The following GNAQ variants were observed in gnomAD, a reference collection of about 807,000 sequenced individuals.
GNAQ encodes G protein subunit alpha q.
In GNAQ, 8 loss-of-function variants were observed where a neutral mutation model predicts 43.9. The observed-to-expected ratio is 0.18, with a 90% CI of 0.11 to 0.33. The LOEUF is 0.33. Among genes scored for constraint, GNAQ ranks in the 10% least tolerant of loss-of-function variants. GNAQ has a pLI of 1.00. For synonymous variants in GNAQ, 155 were observed against 170.7 expected, an observed-to-expected ratio of 0.91 and a Z score of 0.71; for missense variants, 158 against 450.8, an observed-to-expected ratio of 0.35 and a Z score of 5.88.
chr9:77,883,645 C>G (rs959186263), intron 2 of GNAQ, among the ~76,000 whole-genome samples: 118 of 151,892 alleles, frequency 7.8e-4, no homozygotes, highest in African/African-American at 2.8e-3. Flanking sequence ...TTGCCCCCGC[C>G]CCCACTCTCC....
In GNAQ at chr9:78,030,887, C is replaced by CTGTGTGTGTG. The variant is rs35071779; in HGVS notation, c.136+203_136+212dup. Among the ~76,000 whole-genome samples the CTGTGTGTGTG allele has an allele frequency of 3.0e-3, 442 of 146,148 alleles. 2 individuals are homozygous for CTGTGTGTGTG. The highest frequency in any genetic ancestry group is 9.7e-3 in the African/African-American group (378 of 38,862). ...ACCCCTGTGCTGCGTGTGTGTGTCG[C>CTGTGTGTGTG]TGTGTGTGTGTGTGTGTGTGTGTGT... On this transcript the variant is annotated intron_variant, in intron 1 of 6. Coordinates refer to ENST00000286548, the MANE Select transcript of GNAQ (RefSeq NM_002072.5).
intron 1 of GNAQ, among the ~76,000 whole-genome samples, chr9:77,973,370 C>T (rs999567634): frequency 1.4e-4 from 22 of 152,160 alleles, no homozygotes; most frequent in African/African-American, 5.3e-4. Context: ...TGTATGCCCT[C>T]ATTTCTGTGA....
intron 5 of GNAQ, among the ~76,000 whole-genome samples, chr9:77,766,705 A>G (rs1331068935): frequency 6.6e-6 from 1 of 152,050 alleles, no homozygotes; most frequent in Non-Finnish European, 1.5e-5. Flanking sequence ...GCTGTTATGC[A>G]CCGTTTTTTG....
At chr9:78,018,535 T>C (rs1219895303) in intron 1 of GNAQ, among the ~76,000 whole-genome samples, 1 of 152,218 alleles carries the variant, frequency 6.6e-6, no homozygotes, top group East Asian at 1.9e-4. Context: ...ATGTGGGTTG[T>C]CATTCTTTCA....
chr9:77,750,258 T>C (rs1825792608), intron 5 of GNAQ, among the ~76,000 whole-genome samples: 1 of 152,176 alleles, frequency 6.6e-6, no homozygotes, highest in Non-Finnish European at 1.5e-5. Flanking sequence ...AAAACTCTGT[T>C]ATAGGATTAT....
Position 77,999,122 on chromosome 9 carries a change from T to C in GNAQ, c.136+31978A>G, listed in dbSNP as rs554850684. 1.2e-3 allele frequency among the ~76,000 whole-genome samples: 170 copies of C among 139,560 alleles called. 1 individual carries two copies. Among genetic ancestry groups the C allele is most frequent in the African/African-American group, 4.1e-3 (151 of 37,266 alleles). The allele number at this position is 139,560 out of a possible 152,430, so 91.6% of individuals were successfully genotyped here. A position where few individuals can be genotyped will look rare whatever the true frequency, so the allele number is the denominator to read the frequency against. On this transcript the variant is annotated intron_variant, in intron 1 of 6. Coordinates refer to ENST00000286548, the MANE Select transcript of GNAQ (RefSeq NM_002072.5). ...AAAAAAAAAAAAAAAAAAAAAAGACTTACAGAAAAAGTTGAATTTGTAATA... is the reference window on the plus strand; with the variant it reads ...AAAAAAAAAAAAAAAAAAAAAAGACCTACAGAAAAAGTTGAATTTGTAATA...
rs560856603 is a variant in GNAQ, at chr9:78,011,538, T to C, written c.136+19562A>G. Among the ~76,000 whole-genome samples the C allele has an allele frequency of 3.3e-5, 5 of 152,300 alleles. No individual in the cohort carries two copies. In the South Asian group the frequency reaches 6.2e-4, roughly 19 times the overall value. Reference sequence around the variant, plus strand: ...TCAAGAAAATGTAACAAAATGTGCATTGTTGAAATAGGACATTCTAAAAAA... The same window carrying C: ...TCAAGAAAATGTAACAAAATGTGCACTGTTGAAATAGGACATTCTAAAAAA... On this transcript the variant is annotated intron_variant, in intron 1 of 6. Coordinates refer to ENST00000286548, the MANE Select transcript of GNAQ (RefSeq NM_002072.5).
chr9:77,948,850 C>T (rs929755289), intron 1 of GNAQ, among the ~76,000 whole-genome samples: 7 of 152,160 alleles, frequency 4.6e-5, no homozygotes, highest in African/African-American at 1.7e-4. Context: ...GAACCAACAG[C>T]TCCGTGTGAA....
intron 3 of GNAQ, among the ~76,000 whole-genome samples, chr9:77,807,799 G>C (rs1826851619): frequency 6.6e-6 from 1 of 152,160 alleles, no homozygotes; most frequent in African/African-American, 2.4e-5. Flanking sequence ...ATTTGTGTGT[G>C]TGTGAGAATG....
chr9:77,784,339 A>G (rs748881411), intron 5 of GNAQ, among the ~76,000 whole-genome samples: 3 of 152,130 alleles, frequency 2.0e-5, no homozygotes, highest in Non-Finnish European at 4.4e-5. Flanking sequence ...TAAAAGTTTA[A>G]TATATTTCAA....
At chr9:77,752,117 CTT>C (rs1342615698) in intron 5 of GNAQ, among the ~76,000 whole-genome samples, 1 of 152,202 alleles carries the variant, frequency 6.6e-6, no homozygotes, top group East Asian at 1.9e-4. Context: ...CCTGTAGTCA[CTT>C]TAAGTTAATC....
At chr9:77,851,934 G>A (rs1263781328) in intron 2 of GNAQ, among the ~76,000 whole-genome samples, 2 of 152,068 alleles carry the variant, frequency 1.3e-5, no homozygotes, top group African/African-American at 4.8e-5. Flanking sequence ...TCTAGCTTTA[G>A]GTAAAAATCA....
At chr9:77,762,009 G>T (rs1249751773) in intron 5 of GNAQ, among the ~76,000 whole-genome samples, 1 of 122,556 alleles carries the variant, frequency 8.2e-6, no homozygotes, top group African/African-American at 3.1e-5. Context: ...GCCTCTGCCC[G>T]GCCGCCCCTC....
Position 77,797,594 on chromosome 9 carries a change from T to G in GNAQ, c.531A>C (p.Gln177His). 6.2e-7 allele frequency: 1 copy of G among 1,613,214 alleles called. No homozygotes were observed. The highest frequency in any genetic ancestry group is 8.5e-7 in the Non-Finnish European group (1 of 1,179,184). Residue 177 changes from glutamine (Q) to histidine (H), a missense_variant, in exon 4 of 7, where the codon CAA (glutamine) becomes CAC (histidine). Gln to His is a conservative substitution (Grantham distance 24). This residue lies in a region of GNAQ where 4 missense variants were observed against 60.8 expected (regional missense o/e 0.07). Transcript: ENST00000286548. ...TGGGGACTCGAACTCTAAGCACATCTTGTTGCGTAGGCAGGTAGGCAGGGT... is the reference window on the plus strand; with the variant it reads ...TGGGGACTCGAACTCTAAGCACATCGTGTTGCGTAGGCAGGTAGGCAGGGT... ...VADPAYLPTQQDVLRVRVPTT... is the reference protein window; with the variant it reads ...VADPAYLPTQHDVLRVRVPTT...
intron 2 of GNAQ, among the ~76,000 whole-genome samples, chr9:77,889,696 T>A (rs1335876912): frequency 1.3e-5 from 2 of 152,156 alleles, no homozygotes; most frequent in African/African-American, 4.8e-5. Context: ...CTCTTCCCTT[T>A]ATTATCACAG....
At chr9:77,751,152 T>C (rs1052013194) in intron 5 of GNAQ, among the ~76,000 whole-genome samples, 1 of 152,256 alleles carries the variant, frequency 6.6e-6, no homozygotes, top group Non-Finnish European at 1.5e-5. Context: ...ATCAGGCATC[T>C]GCTTTCAATA....
chr9:77,982,664 T>C (rs1823382239), intron 1 of GNAQ, among the ~76,000 whole-genome samples: 1 of 151,840 alleles, frequency 6.6e-6, no homozygotes, highest in South Asian at 2.1e-4. Flanking sequence ...AAATATTCAT[T>C]GCACAGTAGT....
At chr9:77,954,523 CTG>C (rs1823019780) in intron 1 of GNAQ, among the ~76,000 whole-genome samples, 1 of 152,198 alleles carries the variant, frequency 6.6e-6, no homozygotes, top group African/African-American at 2.4e-5. Flanking sequence ...GGCACACCCA[CTG>C]TGTCACCTCC....
intron 5 of GNAQ, among the ~76,000 whole-genome samples, chr9:77,738,363 C>T (rs904607121): frequency 2.0e-5 from 3 of 151,982 alleles, no homozygotes; most frequent in South Asian, 2.1e-4. Flanking sequence ...TTTTAATTGG[C>T]TTTTCCCAAG....
Sources: allele counts gnomAD v4.1 joint callset (sites outside exome capture counted in the v4.1 genomes callset), GRCh38; gene constraint gnomAD v4.1.1; regional missense constraint gnomAD v4.1.1; transcripts MANE v1.5; gene names NCBI Gene and HGNC (gene_info 2026-07-23, HGNC 2026-07-21).